The following HECW1 variants were observed in gnomAD, a reference collection of about 807,000 sequenced individuals.
HECW1 encodes the protein HECT, C2 and WW domain containing E3 ubiquitin protein ligase 1, also known as E3 ubiquitin-protein ligase HECW1.
A neutral mutation model predicts 182.3 loss-of-function variants in HECW1; 61 were observed. The ratio of observed to expected loss-of-function variants is 0.33; its 90% CI spans 0.27 to 0.41. The LOEUF (loss-of-function observed/expected upper bound fraction) is 0.41, where lower values mean the gene tolerates loss of function less well. HECW1 is among the 10% of genes least tolerant of loss of function. The pLI is 1.00. For missense variants in HECW1, 1,739 were observed against 2,108.9 expected, an observed-to-expected ratio of 0.82 and a Z score of 3.44; for synonymous variants, 859 against 832.6, an observed-to-expected ratio of 1.03 and a Z score of -0.55.
chr7:43,416,404 G>A (rs543434525), intron 8 of HECW1, among the ~76,000 whole-genome samples: 3,611 of 150,452 alleles, frequency 0.024, 162 homozygotes, highest in African/African-American at 0.084. Context: ...CTCCAGCTGC[G>A]TGCTGGGAGA....
At chr7:43,337,751 G>A (rs971752260) in intron 5 of HECW1, among the ~76,000 whole-genome samples, 1 of 152,180 alleles carries the variant, frequency 6.6e-6, no homozygotes, top group African/African-American at 2.4e-5. Context: ...AACAATTCCA[G>A]CAAATTCTAA....
At chr7:43,246,444 T>C (rs1473863935) in intron 3 of HECW1, among the ~76,000 whole-genome samples, 1 of 152,132 alleles carries the variant, frequency 6.6e-6, no homozygotes, top group Non-Finnish European at 1.5e-5. Context: ...TAAACACCGG[T>C]TCTCAACCAG....
At chr7:43,197,513 C>T (rs376797229) in intron 2 of HECW1, among the ~76,000 whole-genome samples, 2 of 152,194 alleles carry the variant, frequency 1.3e-5, no homozygotes, top group Admixed American at 6.5e-5. Context: ...TGGGACCCAC[C>T]TCTTGGCACA....
chr7:43,427,266 G>C lies in HECW1; in HGVS notation c.802-10737G>C, dbSNP rs191656342. Among the ~76,000 whole-genome samples, 6 of 152,200 alleles carry C rather than the reference G, an allele frequency of 3.9e-5. No individual in the cohort carries two copies. In the East Asian group the frequency reaches 1.2e-3, roughly 29 times the overall value. ...TATACTACACACACAACACACAGAG[G>C]GAGGTGCCACAGTCAAATATGGAAG... On this transcript the variant is annotated intron_variant, in intron 8 of 29. Transcript: ENST00000395891.
chr7:43,537,691 G>A (rs1414817268), intron 24 of HECW1, among the ~76,000 whole-genome samples: 2 of 152,142 alleles, frequency 1.3e-5, no homozygotes, highest in Non-Finnish European at 2.9e-5. Context: ...TCATGGCTCT[G>A]GAATATATTT....
At chr7:43,250,096 C>T (rs1045725167) in intron 3 of HECW1, among the ~76,000 whole-genome samples, 1 of 145,706 alleles carries the variant, frequency 6.9e-6, no homozygotes, top group Non-Finnish European at 1.5e-5. Context: ...TTCTTCCTCT[C>T]TTGCAGATTT....
intron 17 of HECW1, among the ~76,000 whole-genome samples, chr7:43,486,983 C>T (rs2078670055): frequency 6.6e-6 from 1 of 152,132 alleles, no homozygotes; most frequent in Non-Finnish European, 1.5e-5. Flanking sequence ...GTTTATTGCC[C>T]GCTTCTTATT....
chr7:43,150,219 T>C (rs1243408906), intron 2 of HECW1, among the ~76,000 whole-genome samples: 1 of 152,206 alleles, frequency 6.6e-6, no homozygotes, highest in Non-Finnish European at 1.5e-5. Flanking sequence ...GTTCACATAG[T>C]AATTTGTGAA....
At chr7:43,350,537 C>T (rs1245508134) in intron 5 of HECW1, among the ~76,000 whole-genome samples, 2 of 152,076 alleles carry the variant, frequency 1.3e-5, no homozygotes, top group Non-Finnish European at 2.9e-5. Context: ...TCCCAGACTC[C>T]TTGGAGGCTT....
chr7:43,238,811 G>GGGGCC (rs1798612623), intron 2 of HECW1, among the ~76,000 whole-genome samples: 1 of 152,102 alleles, frequency 6.6e-6, no homozygotes, highest in African/African-American at 2.4e-5. Flanking sequence ...ATGTAAGAGG[G>GGGGCC]TTTTTCTGTC....
intron 2 of HECW1, among the ~76,000 whole-genome samples, chr7:43,120,024 C>T (rs1330543209): frequency 6.6e-6 from 1 of 152,176 alleles, no homozygotes; most frequent in Non-Finnish European, 1.5e-5. Flanking sequence ...CTGCTGTGTG[C>T]CAGGCATTGG....
intron 6 of HECW1, among the ~76,000 whole-genome samples, chr7:43,380,921 T>C (rs1182702399): frequency 6.6e-6 from 1 of 152,212 alleles, no homozygotes; most frequent in African/African-American, 2.4e-5. Context: ...TCTGCTAAAG[T>C]TTTACAAAGT....
intron 2 of HECW1, among the ~76,000 whole-genome samples, chr7:43,163,793 G>C (rs1050987350): frequency 6.6e-6 from 1 of 152,194 alleles, no homozygotes; most frequent in African/African-American, 2.4e-5. Context: ...TAACCACTGA[G>C]AAATGGTGGA....
Position 43,479,682 on chromosome 7 carries a change from C to T in HECW1, c.3172C>T (p.Leu1058Phe). The change falls in exon 17 of 30, where the codon CTT (leucine) becomes TTT (phenylalanine). Residue 1058 changes from leucine to phenylalanine, a missense_variant. Around this residue, in one of 5 missense-constraint regions of HECW1, gnomAD observed 971 missense variants for 1,029.1 expected, o/e 0.94. Transcript: ENST00000395891. ...CCGAATCCCTCTTCAGAACGGTCGTCTTCCCAATCATCTAACTCACCGACA... is the reference window on the plus strand; with the variant it reads ...CCGAATCCCTCTTCAGAACGGTCGTTTTCCCAATCATCTAACTCACCGACA... ...DPRIPLQNGR[L>F]PNHLTHRQHL... 6 of 1,614,138 alleles carry T rather than the reference C, an allele frequency of 3.7e-6. No homozygotes were observed. The highest frequency in any genetic ancestry group is 5.1e-6 in the Non-Finnish European group (6 of 1,180,030).
At chr7:43,483,313 CT>C (rs1014160255) in intron 17 of HECW1, among the ~76,000 whole-genome samples, 3 of 152,072 alleles carry the variant, frequency 2.0e-5, no homozygotes, top group African/African-American at 4.8e-5. Context: ...CCTTGCAGGA[CT>C]TTTTTTCCTG....
intron 2 of HECW1, among the ~76,000 whole-genome samples, chr7:43,127,523 CAAAAAAAAA>C (rs71562078): frequency 1.0e-4 from 6 of 57,280 alleles, no homozygotes; most frequent in Non-Finnish European, 1.9e-4. Flanking sequence ...AACTCCATCT[CAAAAAAAAA>C]AAAAAAAAAA....
At chr7:43,398,094 T>C (rs1174268931) in intron 7 of HECW1, among the ~76,000 whole-genome samples, 1 of 152,018 alleles carries the variant, frequency 6.6e-6, no homozygotes, top group Non-Finnish European at 1.5e-5. Context: ...TCATCTCTGC[T>C]AAAAATACAA....
chr7:43,541,082 A>G, intron 24 of HECW1, 81 bp from the exon 25 acceptor site: 1 of 1,086,244 alleles, frequency 9.2e-7, no homozygotes, highest in Non-Finnish European at 1.4e-6. Flanking sequence ...ATGCTCAAAC[A>G]CATCAAATAA....
At chr7:43,472,052 A>G (rs1449740267) in intron 16 of HECW1, among the ~76,000 whole-genome samples, 1 of 152,190 alleles carries the variant, frequency 6.6e-6, no homozygotes. Context: ...AAACAGACAT[A>G]AGTAGTCTGA....
Sources: allele counts gnomAD v4.1 joint callset (sites outside exome capture counted in the v4.1 genomes callset), GRCh38; gene constraint gnomAD v4.1.1; regional missense constraint gnomAD v4.1.1; transcripts MANE v1.5; gene names NCBI Gene and HGNC (gene_info 2026-07-23, HGNC 2026-07-21).